Variants in INTS4 observed in about 807,000 individuals in gnomAD.
INTS4 encodes the protein integrator complex subunit 4.
A neutral mutation model predicts 119.5 loss-of-function variants in INTS4; 70 were observed. That is an observed-to-expected ratio of 0.59 (90% confidence interval 0.48 to 0.71). The LOEUF is 0.71. Among genes scored for constraint, INTS4 ranks in the 30% least tolerant of loss-of-function variants. The pLI, the probability that INTS4 is intolerant of heterozygous loss-of-function variation, is 0.00. For synonymous variants in INTS4, 316 were observed against 419.6 expected (o/e 0.75, Z 3.02); for missense variants, 867 against 1,173.2 (o/e 0.74, Z 3.81).
chr11:77,880,115 T>G (rs1326992644), intron 22 of INTS4, among the ~76,000 whole-genome samples: 3 of 152,078 alleles, frequency 2.0e-5, no homozygotes, highest in Non-Finnish European at 4.4e-5. Context: ...AGGAATGGAG[T>G]GAGCTTGGGA....
In INTS4 at chr11:77,979,849, G is replaced by A. The variant is rs547998470; in HGVS notation, c.365-747C>T. Among the ~76,000 whole-genome samples, 16 of 151,360 alleles carry A rather than the reference G, an allele frequency of 1.1e-4. No homozygotes were observed. In the East Asian group the frequency reaches 2.7e-3, roughly 26 times the overall value. On this transcript the variant is annotated intron_variant, in intron 3 of 22. Coordinates refer to ENST00000534064, the MANE Select transcript of INTS4 (RefSeq NM_033547.4). ...AAAAAATAGCCAGGCATGGTGGCACGTGCCTGTAATCCCAGCTACTCAGGA... is the reference window on the plus strand; with the variant it reads ...AAAAAATAGCCAGGCATGGTGGCACATGCCTGTAATCCCAGCTACTCAGGA...
At chr11:77,947,397 G>A (rs1411676772) in intron 8 of INTS4, among the ~76,000 whole-genome samples, 18 of 152,188 alleles carry the variant, frequency 1.2e-4, no homozygotes, top group African/African-American at 4.3e-4. Context: ...GACTTTCAAA[G>A]CTGCAAGACA....
chr11:77,956,772 C>A (rs1481186664), intron 7 of INTS4, among the ~76,000 whole-genome samples: 4 of 146,438 alleles, frequency 2.7e-5, no homozygotes, highest in African/African-American at 5.0e-5. Context: ...CAAATAAATA[C>A]ATAAGTAAGT....
chr11:77,958,115 G>T (rs1954376807), intron 7 of INTS4, among the ~76,000 whole-genome samples: 1 of 151,842 alleles, frequency 6.6e-6, no homozygotes, highest in East Asian at 1.9e-4. Context: ...TACTCCTACA[G>T]GTTTATTAAT....
At chr11:77,953,080 C>A (rs1954233919) in intron 8 of INTS4, among the ~76,000 whole-genome samples, 1 of 152,188 alleles carries the variant, frequency 6.6e-6, no homozygotes, top group Admixed American at 6.5e-5. Flanking sequence ...TGGAAATACT[C>A]CAATCATCCA....
At chr11:77,939,819 T>G (rs1350895536) in intron 9 of INTS4, among the ~76,000 whole-genome samples, 1 of 150,090 alleles carries the variant, frequency 6.7e-6, no homozygotes, top group Admixed American at 6.7e-5. Context: ...CACTCCAGCC[T>G]GGGCGACAGA....
In INTS4 at chr11:77,894,278, T is replaced by G. The variant is rs1445278323; in HGVS notation, c.2288+12A>C. The G allele has an allele frequency of 7.0e-7, 1 of 1,430,280 alleles. No homozygotes were observed. The highest frequency in any genetic ancestry group is 1.8e-5 in the Admixed American group (1 of 55,302). 88.6% of individuals were successfully genotyped at this position (1,430,280 alleles called of 1,614,324 possible). ...AAGATTTAATAAGCCAGAAGAGTTA[T>G]AAAATACTTACCTCTGAAAAAAGTC... On this transcript the variant is annotated intron_variant, in intron 19 of 22. Transcript: ENST00000534064.
chr11:77,883,161 T>G (rs902490026), intron 22 of INTS4, among the ~76,000 whole-genome samples: 2 of 152,032 alleles, frequency 1.3e-5, no homozygotes, highest in South Asian at 2.1e-4. Flanking sequence ...GCATTCCCTA[T>G]CTCTAAAATA....
chr11:77,916,436 G>A (rs377285519), intron 15 of INTS4, among the ~76,000 whole-genome samples: 113 of 152,282 alleles, frequency 7.4e-4, no homozygotes, highest in Non-Finnish European at 1.4e-3. Context: ...GGTAAATATG[G>A]TAAACAATGG....
rs770600499 is a variant in INTS4 at position 77,994,647 on chromosome 11, T to C, written c.-4A>G. The C allele has an allele frequency of 6.2e-7, 1 of 1,613,896 alleles. No individual in the cohort carries two copies. Among genetic ancestry groups the C allele is most frequent in the East Asian group, 2.2e-5 (1 of 44,884 alleles). The stretch of plus-strand genomic sequence containing the variant: ...GCTTCTTAAGGTGCGCCGCCATGCC[T>C]ACCCGCGGGCCCTCTCAGCTTCCGT... On this transcript the variant is annotated 5_prime_UTR_variant, in exon 1 of 23. Coordinates refer to ENST00000534064, the MANE Select transcript of INTS4 (RefSeq NM_033547.4).
intron 21 of INTS4, 26 bp downstream of exon 21, chr11:77,891,293 T>A: frequency 6.2e-7 from 1 of 1,605,848 alleles, no homozygotes. Flanking sequence ...GTCTAGAAGC[T>A]CCATGAGGAC....
chr11:77,887,015 A>G (rs1952044951), intron 21 of INTS4, among the ~76,000 whole-genome samples: 2 of 151,902 alleles, frequency 1.3e-5, no homozygotes, highest in Non-Finnish European at 2.9e-5. Flanking sequence ...CAAAATTGAC[A>G]CCCTAACATC....
chr11:77,965,113 G>C (rs1335267746), intron 4 of INTS4, among the ~76,000 whole-genome samples: 2 of 152,070 alleles, frequency 1.3e-5, no homozygotes, highest in African/African-American at 4.8e-5. Flanking sequence ...ACCTAGGCTG[G>C]AGTGTAGTGG....
chr11:77,940,802 A>G (rs777819387), intron 9 of INTS4, among the ~76,000 whole-genome samples: 1 of 151,982 alleles, frequency 6.6e-6, no homozygotes, highest in Non-Finnish European at 1.5e-5. Flanking sequence ...ACACCTAGCT[A>G]ATTTTTGTTG....
Position 77,958,820 on chromosome 11 carries a change from G to A in INTS4, c.723C>T (p.Leu241=), listed in dbSNP as rs745878127. The A allele has an allele frequency of 6.2e-7, 1 of 1,606,020 alleles. No homozygotes were observed. Among genetic ancestry groups the A allele is most frequent in the African/African-American group, 1.3e-5 (1 of 74,740 alleles). ...TGCGCACTTGTTCATAGTCATCAGA[G>A]AGTAATTTACAGGCCTGCAAAGAAG... ...QTIYNQACKL[L]SDDYEQVRSA... is the part of the protein sequence containing the mutation. The change falls in exon 7 of 23, where the codon CTC becomes CTT. Residue 241 remains leucine (L), a synonymous_variant. Transcript: ENST00000534064.
intron 8 of INTS4, among the ~76,000 whole-genome samples, chr11:77,946,583 A>C (rs1367541893): frequency 2.0e-5 from 3 of 152,104 alleles, no homozygotes; most frequent in Non-Finnish European, 4.4e-5. Context: ...GCAACATGGC[A>C]AAACCCGTCT....
At chr11:77,943,535 G>T (rs1402546932) in intron 8 of INTS4, among the ~76,000 whole-genome samples, 1 of 152,162 alleles carries the variant, frequency 6.6e-6, no homozygotes, top group Admixed American at 6.5e-5. Context: ...AAAACATAGA[G>T]AAACAGATTT....
At chr11:77,958,963 T>C in intron 6 of INTS4, 129 bp from the exon 7 acceptor site, 1 of 654,362 alleles carries the variant, frequency 1.5e-6, no homozygotes, top group South Asian at 1.8e-5. Flanking sequence ...GGTTTTAACT[T>C]CTGGAATCTT....
intron 21 of INTS4, among the ~76,000 whole-genome samples, chr11:77,887,003 T>C (rs1393710300): frequency 1.3e-5 from 2 of 150,662 alleles, no homozygotes; most frequent in South Asian, 4.3e-4. Context: ...GCAGGAAAGA[T>C]CCAAAATTGA....
Sources: gnomAD v4.1 joint callset for allele counts (sites outside exome capture counted in the v4.1 genomes callset) on GRCh38, gnomAD v4.1.1 for gene constraint, MANE v1.5 for transcripts, NCBI Gene and HGNC (gene_info 2026-07-23, HGNC 2026-07-21) for gene names.